Variants in SLC6A15 observed in about 807,000 individuals in gnomAD.
SLC6A15 encodes sodium-dependent neutral amino acid transporter B(0)AT2.
A neutral mutation model predicts 68.5 loss-of-function variants in SLC6A15; 33 were observed. The observed-to-expected ratio is 0.48, with a 90% CI of 0.37 to 0.64. The LOEUF is 0.64. Among genes scored for constraint, SLC6A15 ranks in the 30% least tolerant of loss-of-function variants. The pLI is 0.00. For synonymous variants in SLC6A15, 347 were observed against 301.0 expected (o/e 1.15, Z -1.58); for missense variants, 747 against 874.3 (o/e 0.85, Z 1.84).
At chr12:84,905,318 CTA>C (rs1411430183) in intron 1 of SLC6A15, among the ~76,000 whole-genome samples, 1 of 152,126 alleles carries the variant, frequency 6.6e-6, no homozygotes, top group African/African-American at 2.4e-5. Flanking sequence ...AATCACATGA[CTA>C]TATCTACTGA....
intron 2 of SLC6A15, among the ~76,000 whole-genome samples, chr12:84,891,102 T>C (rs376038684): frequency 6.6e-6 from 1 of 152,296 alleles, no homozygotes; most frequent in South Asian, 2.1e-4. Flanking sequence ...ACTTCTAAGA[T>C]AATTTTGCTA....
intron 1 of SLC6A15, among the ~76,000 whole-genome samples, chr12:84,905,461 A>G (rs1210188585): frequency 6.6e-6 from 1 of 152,208 alleles, no homozygotes; most frequent in Non-Finnish European, 1.5e-5. Context: ...TTACTGGTGA[A>G]AGACTAAATG....
At chr12:84,889,521 TA>T (rs1872292669) in intron 2 of SLC6A15, among the ~76,000 whole-genome samples, 3 of 139,918 alleles carry the variant, frequency 2.1e-5, no homozygotes. Flanking sequence ...AAAATAAAAA[TA>T]AAAATAAAAA....
intron 1 of SLC6A15, among the ~76,000 whole-genome samples, chr12:84,901,246 T>C (rs1872865243): frequency 6.6e-6 from 1 of 151,712 alleles, no homozygotes; most frequent in Non-Finnish European, 1.5e-5. Flanking sequence ...TGGGGTTTTC[T>C]TTCTGAAAAT....
intron 9 of SLC6A15, among the ~76,000 whole-genome samples, chr12:84,870,200 A>G (rs1465540071): frequency 1.3e-5 from 2 of 151,278 alleles, no homozygotes; most frequent in Non-Finnish European, 2.9e-5. Context: ...GTCATTCTTG[A>G]TAATGCATTA....
At chr12:84,875,313 T>A (rs754644056) in intron 6 of SLC6A15, among the ~76,000 whole-genome samples, 1 of 151,916 alleles carries the variant, frequency 6.6e-6, no homozygotes, top group Non-Finnish European at 1.5e-5. Flanking sequence ...ACAGAGAAGT[T>A]CCAAGAACTC....
At chr12:84,902,569 T>C (rs1176593289) in intron 1 of SLC6A15, among the ~76,000 whole-genome samples, 1 of 151,980 alleles carries the variant, frequency 6.6e-6, no homozygotes, top group Non-Finnish European at 1.5e-5. Flanking sequence ...CAGCTTTACT[T>C]ATAATAGAAA....
chr12:84,869,380 TGAACCCGG>T (rs1191298238), intron 9 of SLC6A15, among the ~76,000 whole-genome samples: 2 of 144,438 alleles, frequency 1.4e-5, no homozygotes. Context: ...GAGAATGGCG[TGAACCCGG>T]GAGGCGGAGC....
At chr12:84,871,026 C>T (rs1871264124) in intron 8 of SLC6A15, among the ~76,000 whole-genome samples, 1 of 151,618 alleles carries the variant, frequency 6.6e-6, no homozygotes, top group Non-Finnish European at 1.5e-5. Context: ...GACATATTAT[C>T]ATAGATATAT....
At position 84,881,875 on chromosome 12, in the gene SLC6A15, A is replaced by G. The variant is rs1321870546; in HGVS notation, c.756+1984T>C. 9.1e-6 allele frequency: 9 copies of G among 985,262 alleles called. No individual in the cohort carries two copies. The African/African-American group carries it at 1.6e-4, about 17-fold the overall frequency. 61.0% of individuals were successfully genotyped at this position (985,262 alleles called of 1,614,324 possible). A position where few individuals can be genotyped will look rare whatever the true frequency, so the allele number is the denominator to read the frequency against. ...GAATTGTGACAATTTTGGCTTCCAC[A>G]TCTTTGCTCACATTACCTACAGCTA... On this transcript the variant is annotated intron_variant, in intron 5 of 11. Transcript: ENST00000266682.
At chr12:84,864,709 C>T (rs1465859656) in intron 10 of SLC6A15, among the ~76,000 whole-genome samples, 1 of 152,152 alleles carries the variant, frequency 6.6e-6, no homozygotes, top group Non-Finnish European at 1.5e-5. Context: ...AAGAATTCTA[C>T]ACCTGCCCTT....
At chr12:84,884,252 G>C (rs1871973670) in intron 4 of SLC6A15, among the ~76,000 whole-genome samples, 1 of 152,222 alleles carries the variant, frequency 6.6e-6, no homozygotes, top group Non-Finnish European at 1.5e-5. Context: ...CAGTCCTGCA[G>C]TAAGAATATG....
chr12:84,868,670 G>T (rs1453769026), intron 9 of SLC6A15, among the ~76,000 whole-genome samples: 1 of 152,148 alleles, frequency 6.6e-6, no homozygotes, highest in Non-Finnish European at 1.5e-5. Flanking sequence ...TTTCATTGAG[G>T]TCAAACACGA....
chr12:84,875,036 C>T (rs908962738), intron 6 of SLC6A15, among the ~76,000 whole-genome samples: 1 of 152,222 alleles, frequency 6.6e-6, no homozygotes, highest in Non-Finnish European at 1.5e-5. Flanking sequence ...GTTTTCAGTA[C>T]TGGGGCCATA....
rs1240236670 is a variant in SLC6A15 at position 84,872,699 on chromosome 12, T to C, written c.1205A>G (p.Asp402Gly). 1 of 1,612,906 alleles carries C rather than the reference T, an allele frequency of 6.2e-7. No individual in the cohort carries two copies. Among genetic ancestry groups the C allele is most frequent in the Non-Finnish European group, 8.5e-7 (1 of 1,179,382 alleles). Reference protein sequence around the residue: ...HINLSTVTAEDYHLVYDIIQK... With the variant: ...HINLSTVTAEGYHLVYDIIQK... The stretch of plus-strand genomic sequence containing the variant: ...AATGATGTCATAAACTAAATGATAA[T>C]CTTCTGCAGTAACAGTTGAAAGGTT... The change falls in exon 8 of 12, where the codon GAT becomes GGT. Residue 402 changes from aspartate (D) to glycine (G), a missense_variant. Transcript: ENST00000266682.
At chr12:84,900,297 C>A (rs181401651) in intron 1 of SLC6A15, among the ~76,000 whole-genome samples, 202 of 152,066 alleles carry the variant, frequency 1.3e-3, no homozygotes, top group Middle Eastern at 6.8e-3. Context: ...TGCAATATAA[C>A]TGATTTTTAA....
intron 8 of SLC6A15, among the ~76,000 whole-genome samples, chr12:84,870,890 A>G (rs900515993): frequency 6.6e-6 from 1 of 152,174 alleles, no homozygotes; most frequent in Admixed American, 6.6e-5. Context: ...TTTGCCTATA[A>G]TTAATAAACA....
At chr12:84,883,149 A>C in intron 5 of SLC6A15, 1 of 959,042 alleles carries the variant, frequency 1.0e-6, no homozygotes. Context: ...GGCTGTGATA[A>C]TGAAAAAAAA....
intron 10 of SLC6A15, 81 bp downstream of exon 10, chr12:84,866,953 C>T: frequency 1.6e-6 from 2 of 1,226,002 alleles, no homozygotes; most frequent in East Asian, 2.6e-5. Context: ...TTTATTTCCT[C>T]TTCTAAATGA....
Sources: gnomAD v4.1 joint callset for allele counts (sites outside exome capture counted in the v4.1 genomes callset) on GRCh38, gnomAD v4.1.1 for gene constraint, MANE v1.5 for transcripts, NCBI Gene and HGNC (gene_info 2026-07-23, HGNC 2026-07-21) for gene names.